The following FAM240B variants were observed in gnomAD, a reference collection of about 807,000 sequenced individuals.
The protein encoded by FAM240B is protein FAM240B.
chr9:38,702,757 T>C (rs938733351), intron 2 of FAM240B, among the ~76,000 whole-genome samples: 1 of 148,316 alleles, frequency 6.7e-6, no homozygotes, highest in Admixed American at 6.7e-5. Context: ...TTGGTACATA[T>C]TATCCCAGAT....
At chr9:38,717,199 A>T (rs369496456) in intron 1 of FAM240B, among the ~76,000 whole-genome samples, 6 of 152,086 alleles carry the variant, frequency 3.9e-5, no homozygotes, top group African/African-American at 1.4e-4. Context: ...TTTTCTTGGG[A>T]TGGTCTACAT....
At chr9:38,716,115 GA>G (rs1441696653) in intron 1 of FAM240B, among the ~76,000 whole-genome samples, 1 of 152,130 alleles carries the variant, frequency 6.6e-6, no homozygotes, top group East Asian at 1.9e-4. Flanking sequence ...CTTGGGCTTT[GA>G]CCCCATAATC....
intron 1 of FAM240B, among the ~76,000 whole-genome samples, chr9:38,707,909 C>A (rs1003405651): frequency 3.9e-5 from 6 of 152,074 alleles, no homozygotes; most frequent in African/African-American, 1.4e-4. Context: ...TATAGGGTCT[C>A]TGTTTTCATA....
chr9:38,717,948 C>A (rs1034343187), intron 1 of FAM240B, among the ~76,000 whole-genome samples: 3 of 152,154 alleles, frequency 2.0e-5, no homozygotes, highest in Admixed American at 6.5e-5. Context: ...GCAACACTTC[C>A]CAAAGACACC....
intron 1 of FAM240B, among the ~76,000 whole-genome samples, chr9:38,706,726 C>T (rs1821195319): frequency 1.3e-5 from 2 of 152,164 alleles, no homozygotes; most frequent in Non-Finnish European, 2.9e-5. Flanking sequence ...CTGGGACTGT[C>T]CTCCAGCCTG....
At chr9:38,711,784 G>A (rs1379768663) in intron 1 of FAM240B, among the ~76,000 whole-genome samples, 1 of 151,742 alleles carries the variant, frequency 6.6e-6, no homozygotes, top group Non-Finnish European at 1.5e-5. Context: ...AGCCTCCTGA[G>A]TAGCTGGGAT....
At chr9:38,709,675 A>C (rs568933561) in intron 1 of FAM240B, among the ~76,000 whole-genome samples, 1 of 152,220 alleles carries the variant, frequency 6.6e-6, no homozygotes, top group Admixed American at 6.5e-5. Flanking sequence ...GTAGGGTTTT[A>C]TTGTCACAGA....
intron 1 of FAM240B, among the ~76,000 whole-genome samples, 193 bp from the exon 2 acceptor site, chr9:38,704,195 G>T (rs891898560): frequency 1.2e-4 from 18 of 149,722 alleles, no homozygotes; most frequent in African/African-American, 4.4e-4. Flanking sequence ...AATAATAATA[G>T]CTATGCCAGA....
chr9:38,702,311 G>T (rs987017191), intron 2 of FAM240B, among the ~76,000 whole-genome samples: 3 of 152,174 alleles, frequency 2.0e-5, no homozygotes, highest in African/African-American at 7.2e-5. Flanking sequence ...ATGGAAGAAG[G>T]GTCCTCTCTG....
At chr9:38,698,386 G>T (rs962364547) in intron 2 of FAM240B, among the ~76,000 whole-genome samples, 1 of 152,124 alleles carries the variant, frequency 6.6e-6, no homozygotes, top group African/African-American at 2.4e-5. Flanking sequence ...ACAAGAGGTT[G>T]GCAAAAATGA....
At chr9:38,709,704 A>T (rs1418367695) in intron 1 of FAM240B, among the ~76,000 whole-genome samples, 4 of 152,238 alleles carry the variant, frequency 2.6e-5, no homozygotes, top group Non-Finnish European at 5.9e-5. Flanking sequence ...ATACTAAGCA[A>T]TGTGCAGACA....
chr9:38,715,939 T>A (rs982148664), intron 1 of FAM240B, among the ~76,000 whole-genome samples: 2 of 152,204 alleles, frequency 1.3e-5, no homozygotes, highest in Non-Finnish European at 2.9e-5. Flanking sequence ...CACTGCAGTT[T>A]TATTGGTCAC....
chr9:38,703,976 T>C lies in FAM240B; in HGVS notation c.24A>G (p.Arg8=), dbSNP rs1322518451. 5.0e-6 allele frequency: 2 copies of C among 400,282 alleles called. No individual in the cohort carries two copies. The highest frequency in any genetic ancestry group is 2.1e-5 in the African/African-American group (1 of 48,702). 24.8% of individuals were successfully genotyped at this position (400,282 alleles called of 1,614,324 possible). A position where few individuals can be genotyped will look rare whatever the true frequency, so the allele number is the denominator to read the frequency against. Residue 8 remains arginine (R), a synonymous_variant, in exon 2 of 3, where the codon CGA becomes CGG. Coordinates refer to ENST00000637493, the MANE Select transcript of FAM240B (RefSeq NM_001394922.1). ...GACAAGTTCCACAGCAGAAGACTTC[T>C]CGACGGATGTATTGATTGTTCATCC... MNNQYIR[R]EVFCCGTCHE...
intron 1 of FAM240B, among the ~76,000 whole-genome samples, chr9:38,706,169 C>T (rs1204200533): frequency 6.6e-6 from 1 of 151,944 alleles, no homozygotes; most frequent in African/African-American, 2.4e-5. Flanking sequence ...TAATTGTGTA[C>T]AAGATGACGT....
intron 1 of FAM240B, among the ~76,000 whole-genome samples, chr9:38,708,003 A>G (rs1821210544): frequency 6.6e-6 from 1 of 152,108 alleles, no homozygotes; most frequent in Non-Finnish European, 1.5e-5. Context: ...ATCCATAAGC[A>G]TCCCAAAGGA....
intron 2 of FAM240B, among the ~76,000 whole-genome samples, chr9:38,701,566 G>A (rs187296569): frequency 3.4e-4 from 51 of 152,212 alleles, no homozygotes; most frequent in Admixed American, 9.2e-4. Context: ...GGGTGGCCTC[G>A]AGGCTGAAGG....
At chr9:38,702,695 C>T (rs920095599) in intron 2 of FAM240B, among the ~76,000 whole-genome samples, 1 of 152,180 alleles carries the variant, frequency 6.6e-6, no homozygotes, top group Admixed American at 6.5e-5. Flanking sequence ...AATAGAACAA[C>T]AAGTTCACTT....
chr9:38,695,629 TC>T (rs1821060745), intron 2 of FAM240B, among the ~76,000 whole-genome samples: 4 of 152,196 alleles, frequency 2.6e-5, no homozygotes, highest in Admixed American at 6.5e-5. Flanking sequence ...CCAAATGTAA[TC>T]CTTCCCAAAT....
chr9:38,714,355 A>G (rs1182842994), intron 1 of FAM240B, among the ~76,000 whole-genome samples: 2 of 152,216 alleles, frequency 1.3e-5, no homozygotes, highest in Non-Finnish European at 2.9e-5. Context: ...TTAAGGAGGA[A>G]CACAATGCTT....
Sources: allele counts gnomAD v4.1 joint callset (sites outside exome capture counted in the v4.1 genomes callset), GRCh38; gene constraint gnomAD v4.1.1; transcripts MANE v1.5; gene names NCBI Gene and HGNC (gene_info 2026-07-23, HGNC 2026-07-21).